Variants in UNC13A observed in about 807,000 individuals in gnomAD.
The protein encoded by UNC13A is unc-13 homolog A.
UNC13A carries 61 observed loss-of-function variants against 219.7 expected under a neutral mutation model. The ratio of observed to expected loss-of-function variants is 0.28; its 90% CI spans 0.23 to 0.34. UNC13A has a LOEUF of 0.34. Ranked by LOEUF, UNC13A falls within the 10% of genes least tolerant of loss-of-function variation. The pLI is 1.00. For missense variants in UNC13A, 1,476 were observed against 2,270.3 expected, an observed-to-expected ratio of 0.65 and a Z score of 7.11; for synonymous variants, 920 against 884.6, an observed-to-expected ratio of 1.04 and a Z score of -0.71.
At chr19:17,680,193 G>A in intron 1 of UNC13A, among the ~76,000 whole-genome samples, 1 of 151,908 alleles carries the variant, frequency 6.6e-6, no homozygotes, top group East Asian at 1.9e-4. Context: ...AGGAGGAAGG[G>A]GGCTCAGAGA....
chr19:17,620,648 G>A (rs2076719588), intron 38 of UNC13A, 45 bp downstream of exon 38: 14 of 1,586,514 alleles, frequency 8.8e-6, no homozygotes, highest in Non-Finnish European at 1.1e-5. Context: ...TGGGGTGGGG[G>A]GGAGTGGGAT....
chr19:17,659,956 C>T (rs1016139954), intron 8 of UNC13A, among the ~76,000 whole-genome samples: 2 of 152,174 alleles, frequency 1.3e-5, no homozygotes, highest in Non-Finnish European at 2.9e-5. Context: ...AGCGCAGTGG[C>T]GCGATCAAAA....
intron 41 of UNC13A, among the ~76,000 whole-genome samples, chr19:17,616,904 G>T (rs2076671751): frequency 6.6e-6 from 1 of 152,160 alleles, no homozygotes; most frequent in Non-Finnish European, 1.5e-5. Context: ...TTTGAAAAGG[G>T]GGGGTCCCCA....
chr19:17,648,842 G>T (rs908481753), intron 15 of UNC13A, 70 bp downstream of exon 15: 12 of 1,542,072 alleles, frequency 7.8e-6, no homozygotes, highest in African/African-American at 1.4e-5. Context: ...ACCCACAGAG[G>T]CTTGGACAAT....
intron 6 of UNC13A, 72 bp from the exon 7 acceptor site, chr19:17,666,776 T>G (rs2079655611): frequency 8.0e-7 from 1 of 1,247,492 alleles, no homozygotes. Flanking sequence ...GATAGTCCTC[T>G]GTTCTGTCCC....
At chr19:17,668,021 A>G in intron 6 of UNC13A, 96 bp downstream of exon 6, 1 of 1,275,198 alleles carries the variant, frequency 7.8e-7, no homozygotes, top group Non-Finnish European at 1.1e-6. Flanking sequence ...GCAGGGAAAG[A>G]CAAGCTTAGA....
chr19:17,628,321 C>CG, intron 31 of UNC13A: 1 of 184,304 alleles, frequency 5.4e-6, no homozygotes, highest in Admixed American at 6.2e-5. Flanking sequence ...CGTGTGCCCT[C>CG]ACCCCGAGAT....
chr19:17,676,267 G>A, intron 1 of UNC13A: 1 of 661,944 alleles, frequency 1.5e-6, no homozygotes, highest in East Asian at 2.9e-5. Context: ...GGAAAGAGGA[G>A]GCAGGGATGA....
chr19:17,632,729 A>G, intron 28 of UNC13A, 53 bp downstream of exon 28: 1 of 1,611,810 alleles, frequency 6.2e-7, no homozygotes, highest in Non-Finnish European at 8.5e-7. Flanking sequence ...CTTTCCTTCT[A>G]GCTGTCAGTG....
chr19:17,681,448 A>C (rs1216350544), intron 1 of UNC13A, among the ~76,000 whole-genome samples: 1 of 152,136 alleles, frequency 6.6e-6, no homozygotes, highest in East Asian at 1.9e-4. Flanking sequence ...GGGCTTTAGG[A>C]TAAAAGACCT....
At chr19:17,669,204 CTT>C (rs1036801570) in intron 5 of UNC13A, among the ~76,000 whole-genome samples, 1 of 152,190 alleles carries the variant, frequency 6.6e-6, no homozygotes, top group African/African-American at 2.4e-5. Flanking sequence ...CTCTGTCTCT[CTT>C]TGTCTCTCTG....
Position 17,617,781 on chromosome 19 carries a change from G to A in UNC13A, c.4479C>T (p.Ser1493=), listed in dbSNP as rs1244727671. 1.2e-6 allele frequency: 2 copies of A among 1,613,306 alleles called. No homozygotes were observed. The highest frequency in any genetic ancestry group is 3.3e-5 in the Admixed American group (2 of 59,974). ...TGTAGAGCGACAGGGCATAGCGCAAGGATTGCAGGTCCGGGCTCTTCTCCA... is the reference window on the plus strand; with the variant it reads ...TGTAGAGCGACAGGGCATAGCGCAAAGATTGCAGGTCCGGGCTCTTCTCCA... The part of the protein sequence containing the change: ...TFLEKSPDLQ[S]LRYALSLYTQ... The change falls in exon 41 of 44, where the codon TCC becomes TCT. Residue 1493 remains serine, a synonymous_variant. Coordinates refer to ENST00000519716, the MANE Select transcript of UNC13A (RefSeq NM_001080421.3).
At chr19:17,652,104 GC>G (rs1240726053) in intron 12 of UNC13A, among the ~76,000 whole-genome samples, 1 of 140,622 alleles carries the variant, frequency 7.1e-6, no homozygotes. Context: ...CATAGTGTCT[GC>G]TTTATCTTAC....
intron 1 of UNC13A, among the ~76,000 whole-genome samples, chr19:17,686,620 G>A (rs2080117222): frequency 1.3e-5 from 2 of 151,938 alleles, no homozygotes; most frequent in Non-Finnish European, 2.9e-5. Context: ...AGGGGATGGA[G>A]GAGTTGACCT....
chr19:17,619,614 A>T (rs563630271), intron 38 of UNC13A, among the ~76,000 whole-genome samples: 45 of 152,068 alleles, frequency 3.0e-4, no homozygotes, highest in African/African-American at 1.0e-3. Context: ...AATTTTTTTC[A>T]TAGAGATGGG....
rs779956937 is a variant in UNC13A, at chr19:17,639,139, C to G, written c.3025G>C (p.Glu1009Gln). Residue 1009 changes from glutamate (E) to glutamine (Q), a missense_variant, in exon 25 of 44, where the codon GAG becomes CAG. Around this residue, in one of 14 missense-constraint regions of UNC13A, gnomAD observed 140 missense variants for 270.9 expected, o/e 0.52. Transcript: ENST00000519716. ...CVKACLNSTY[E>Q]YIFNNCHELY... is the part of the protein sequence containing the mutation. ...TCATGGCAGTTATTGAAGATGTACT[C>G]GTAGGTAGAATTAAGGCAGGCTTTC... The G allele has an allele frequency of 6.2e-7, 1 of 1,613,680 alleles. No individual in the cohort carries two copies. The highest frequency in any genetic ancestry group is 2.2e-5 in the East Asian group (1 of 44,862).
chr19:17,674,553 G>C lies in UNC13A; in HGVS notation c.152+104C>G. ...TGGACAGGGGAAGAGGGAGGACAGAGGGGAGTCACCCGGGATTCCCCAGTG... is the reference window on the plus strand; with the variant it reads ...TGGACAGGGGAAGAGGGAGGACAGACGGGAGTCACCCGGGATTCCCCAGTG... On this transcript the variant is annotated intron_variant, in intron 3 of 43. Transcript: ENST00000519716. The surrounding 1 kb of genome is among the most constrained non-coding windows in gnomAD (Gnocchi z 5.0). 1 of 945,382 alleles carries C rather than the reference G, an allele frequency of 1.1e-6. No homozygotes were observed. The highest frequency in any genetic ancestry group is 1.4e-5 in the South Asian group (1 of 71,574). 58.6% of individuals were successfully genotyped at this position (945,382 alleles called of 1,614,324 possible).
Position 17,605,790 on chromosome 19 carries a change from A to C in UNC13A, c.*264T>G. On this transcript the variant is annotated 3_prime_UTR_variant, in exon 44 of 44. Transcript: ENST00000519716. ...CCCATCCCAGCTCAAAATGCCCCCT[A>C]GGTGCTGGGGGCGTGGCCTCAAGTT... 9.8e-6 allele frequency: 4 copies of C among 407,950 alleles called. No homozygotes were observed. Among genetic ancestry groups the C allele is most frequent in the East Asian group, 4.2e-5 (1 of 23,696 alleles). 25.3% of individuals were successfully genotyped at this position (407,950 alleles called of 1,614,324 possible). A position where few individuals can be genotyped will look rare whatever the true frequency, so the allele number is the denominator to read the frequency against.
chr19:17,628,945 A>G (rs2076812976), intron 31 of UNC13A, among the ~76,000 whole-genome samples: 2 of 152,086 alleles, frequency 1.3e-5, no homozygotes, highest in African/African-American at 4.8e-5. Context: ...TCAGACACGC[A>G]CACTCAGATG....
Sources: allele counts gnomAD v4.1 joint callset (sites outside exome capture counted in the v4.1 genomes callset), GRCh38; gene constraint gnomAD v4.1.1; regional missense constraint gnomAD v4.1.1; non-coding constraint Gnocchi (gnomAD v3.1); transcripts MANE v1.5; gene names NCBI Gene and HGNC (gene_info 2026-07-23, HGNC 2026-07-21).